The following CSMD1 variants were observed in gnomAD, a reference collection of about 807,000 sequenced individuals.
The protein encoded by CSMD1 is CUB and sushi domain-containing protein 1.
In CSMD1, 213 loss-of-function variants were observed where a neutral mutation model predicts 417.5. The ratio of observed to expected loss-of-function variants is 0.51; its 90% CI spans 0.46 to 0.57. CSMD1 has a LOEUF of 0.57. Among genes scored for constraint, CSMD1 ranks in the 20% least tolerant of loss-of-function variants. CSMD1 has a pLI of 0.00. For synonymous variants in CSMD1, 2,862 were observed against 1,736.8 expected (o/e 1.65, Z -16.11); for missense variants, 6,923 against 4,529.7 (o/e 1.53, Z -15.17).
chr8:4,877,123 C>G (rs1803093093), intron 1 of CSMD1, among the ~76,000 whole-genome samples: 1 of 151,902 alleles, frequency 6.6e-6, no homozygotes, highest in African/African-American at 2.4e-5. Context: ...TTAAGTTTTT[C>G]TTTTTATCAT....
chr8:4,386,482 C>T (rs548833643), intron 3 of CSMD1, among the ~76,000 whole-genome samples: 2 of 152,218 alleles, frequency 1.3e-5, no homozygotes, highest in South Asian at 4.1e-4. Context: ...CACCTTATCT[C>T]CCAGTCTCCA....
intron 11 of CSMD1, among the ~76,000 whole-genome samples, chr8:3,473,381 A>C (rs1817219153): frequency 1.3e-5 from 2 of 152,180 alleles, no homozygotes; most frequent in African/African-American, 4.8e-5. Context: ...TATTATAGTT[A>C]TTTTAAAGCT....
At chr8:4,215,805 G>A (rs1397834422) in intron 3 of CSMD1, among the ~76,000 whole-genome samples, 1 of 151,800 alleles carries the variant, frequency 6.6e-6, no homozygotes, top group Non-Finnish European at 1.5e-5. Context: ...CTCCTTTTCT[G>A]GCACTAACAT....
At chr8:3,923,186 C>G (rs1809399990) in intron 5 of CSMD1, among the ~76,000 whole-genome samples, 1 of 152,114 alleles carries the variant, frequency 6.6e-6, no homozygotes, top group African/African-American at 2.4e-5. Context: ...CATCAGTGCA[C>G]TAATGAGTGG....
intron 3 of CSMD1, among the ~76,000 whole-genome samples, chr8:4,185,739 A>G (rs189434788): frequency 3.1e-4 from 47 of 152,306 alleles, no homozygotes; most frequent in African/African-American, 9.9e-4. Context: ...CATGCCTTTG[A>G]AGAGCTATCA....
At chr8:3,133,951 G>T (rs1817935530) in intron 41 of CSMD1, among the ~76,000 whole-genome samples, 1 of 152,176 alleles carries the variant, frequency 6.6e-6, no homozygotes, top group African/African-American at 2.4e-5. Flanking sequence ...GAGGCAGGCA[G>T]ATCGGATCAT....
At chr8:4,051,824 T>G (rs1408090101) in intron 3 of CSMD1, among the ~76,000 whole-genome samples, 42 of 150,756 alleles carry the variant, frequency 2.8e-4, no homozygotes. Flanking sequence ...TTTCTTCTCT[T>G]TCTTCTCTTT....
At chr8:3,166,249 G>C (rs570533585) in intron 37 of CSMD1, among the ~76,000 whole-genome samples, 1 of 152,182 alleles carries the variant, frequency 6.6e-6, no homozygotes, top group African/African-American at 2.4e-5. Flanking sequence ...ATGTCTGTTA[G>C]GCTGGGCATG....
chr8:4,593,209 C>A (rs1166738889), intron 2 of CSMD1, among the ~76,000 whole-genome samples: 2 of 152,166 alleles, frequency 1.3e-5, no homozygotes, highest in Non-Finnish European at 2.9e-5. Context: ...CAGAATCTGC[C>A]TTTTGCTGCT....
At chr8:3,982,221 G>C (rs962641622) in intron 5 of CSMD1, among the ~76,000 whole-genome samples, 2 of 147,250 alleles carry the variant, frequency 1.4e-5, no homozygotes, top group African/African-American at 5.0e-5. Flanking sequence ...TAATAAACTA[G>C]TTAGAATTAA....
chr8:4,295,707 G>A (rs36145180), intron 3 of CSMD1, among the ~76,000 whole-genome samples: 20,968 of 138,274 alleles, frequency 0.15, 1,748 homozygotes, highest in Non-Finnish European at 0.18. Context: ...GTTATATATT[G>A]TGTTAAAATT....
intron 3 of CSMD1, among the ~76,000 whole-genome samples, chr8:4,062,590 C>A (rs576161316): frequency 2.0e-5 from 3 of 152,236 alleles, no homozygotes; most frequent in African/African-American, 7.2e-5. Flanking sequence ...TTCAGTGATA[C>A]GTCCCAGATC....
chr8:4,808,570 C>T (rs753057466), intron 1 of CSMD1, among the ~76,000 whole-genome samples: 6 of 152,142 alleles, frequency 3.9e-5, no homozygotes, highest in Non-Finnish European at 8.8e-5. Flanking sequence ...TGTTCCTAGA[C>T]ACTTATCATA....
At chr8:4,698,565 G>T (rs1367934599) in intron 1 of CSMD1, among the ~76,000 whole-genome samples, 4 of 150,720 alleles carry the variant, frequency 2.7e-5, no homozygotes, top group African/African-American at 9.8e-5. Context: ...CAGATTTAAA[G>T]ATAACTGTTT....
intron 1 of CSMD1, among the ~76,000 whole-genome samples, chr8:4,832,314 G>C (rs1386658642): frequency 2.0e-5 from 3 of 152,042 alleles, no homozygotes; most frequent in Non-Finnish European, 4.4e-5. Context: ...ATGAGGAGAT[G>C]GACAGATTCT....
intron 3 of CSMD1, among the ~76,000 whole-genome samples, chr8:4,168,237 A>G (rs1339821640): frequency 6.6e-6 from 1 of 151,674 alleles, no homozygotes; most frequent in East Asian, 1.9e-4. Flanking sequence ...ACAAACACAC[A>G]CAAAAAAATT....
intron 3 of CSMD1, among the ~76,000 whole-genome samples, chr8:4,065,811 G>C (rs980752295): frequency 2.6e-5 from 4 of 152,180 alleles, no homozygotes; most frequent in African/African-American, 7.2e-5. Context: ...TGTACTGCTT[G>C]AGGAGTTTTC....
At chr8:4,907,434 T>C (rs1395464982) in intron 1 of CSMD1, among the ~76,000 whole-genome samples, 2 of 152,180 alleles carry the variant, frequency 1.3e-5, no homozygotes, top group Non-Finnish European at 2.9e-5. Context: ...GCAAAATACA[T>C]AAATATCCTA....
Position 4,472,484 on chromosome 8 carries a change from G to C in CSMD1, c.303-52419C>G, listed in dbSNP as rs953678174. Among the ~76,000 whole-genome samples the C allele has an allele frequency of 7.2e-5, 11 of 151,994 alleles. No individual in the cohort carries two copies. In the East Asian group the frequency reaches 2.1e-3, roughly 29 times the overall value. On this transcript the variant is annotated intron_variant, in intron 2 of 69. Transcript: ENST00000635120. ...CAGATGAATAAAATGAGAGGGACCC[G>C]GGGAACCTTATTTATGCTTTGTAAA...
Sources: allele counts gnomAD v4.1 joint callset (sites outside exome capture counted in the v4.1 genomes callset), GRCh38; gene constraint gnomAD v4.1.1; transcripts MANE v1.5; gene names NCBI Gene and HGNC (gene_info 2026-07-23, HGNC 2026-07-21).